The following RAD51 variants were observed in gnomAD, a reference collection of about 807,000 sequenced individuals.
RAD51 encodes RAD51 recombinase, also known as DNA repair protein RAD51 homolog 1.
In RAD51, 14 loss-of-function variants were observed where a neutral mutation model predicts 41.5. The ratio of observed to expected loss-of-function variants is 0.34; its 90% CI spans 0.22 to 0.53. The LOEUF (loss-of-function observed/expected upper bound fraction) is 0.53, where lower values mean the gene tolerates loss of function less well. Ranked by LOEUF, RAD51 falls within the 20% of genes least tolerant of loss-of-function variation. RAD51 has a pLI of 0.95. For synonymous variants in RAD51, 136 were observed against 148.6 expected, an observed-to-expected ratio of 0.92 and a Z score of 0.62; for missense variants, 234 against 422.0, an observed-to-expected ratio of 0.55 and a Z score of 3.90.
chr15:40,726,474 G>A lies in RAD51; in HGVS notation c.531-2237G>A, dbSNP rs915338021. ...TCGCCTTGTTGGCAAGGCTAGTCTCGAACTCCTGACCTCAAGTGATCCGCC... is the reference window on the plus strand; with the variant it reads ...TCGCCTTGTTGGCAAGGCTAGTCTCAAACTCCTGACCTCAAGTGATCCGCC... On this transcript the variant is annotated intron_variant, in intron 6 of 9. Transcript: ENST00000267868. 3.3e-5 allele frequency among the ~76,000 whole-genome samples: 5 copies of A among 151,644 alleles called. No individual in the cohort carries two copies. In the South Asian group the frequency reaches 6.3e-4, roughly 19 times the overall value.
At chr15:40,698,666 CTT>C (rs1567036783) in intron 1 of RAD51, 89 bp from the exon 2 acceptor site, 2 of 1,267,746 alleles carry the variant, frequency 1.6e-6, no homozygotes, top group South Asian at 2.4e-5. Context: ...TTCCTAAAGT[CTT>C]TTTGATACGA....
chr15:40,726,341 T>C (rs2141874621), intron 6 of RAD51, among the ~76,000 whole-genome samples: 1 of 150,124 alleles, frequency 6.7e-6, no homozygotes, highest in African/African-American at 2.5e-5. Flanking sequence ...AACCTCCGCC[T>C]CTCGGGTTCA....
At chr15:40,710,241 CAAAAAAAAAAAAAAAAAA>C (rs71104728) in intron 5 of RAD51, among the ~76,000 whole-genome samples, 1 of 44,312 alleles carries the variant, frequency 2.3e-5, no homozygotes, top group Non-Finnish European at 3.5e-5. Context: ...GACTCTGTCT[CAAAAAAAAAAAAAAAAAA>C]AAAAAAAAAA....
chr15:40,710,558 A>G (rs2141840252), intron 5 of RAD51, among the ~76,000 whole-genome samples: 1 of 151,976 alleles, frequency 6.6e-6, no homozygotes, highest in Middle Eastern at 3.4e-3. Context: ...AAGATGACAA[A>G]ACTTTAGATT....
chr15:40,696,256 A>G (rs1389297422), intron 1 of RAD51, among the ~76,000 whole-genome samples: 1 of 152,006 alleles, frequency 6.6e-6, no homozygotes, highest in Non-Finnish European at 1.5e-5. Context: ...CACATTCACA[A>G]CTGTATACAA....
chr15:40,716,657 CTTTTTTTT>C (rs34860677), intron 5 of RAD51, among the ~76,000 whole-genome samples: 2 of 88,152 alleles, frequency 2.3e-5, no homozygotes, highest in African/African-American at 4.3e-5. Flanking sequence ...CTCTCTACTT[CTTTTTTTT>C]TTTTTTTTTT....
At position 40,709,199 on chromosome 15, in the gene RAD51, T is replaced by G. The variant is rs1895538160; in HGVS notation, c.435+83T>G. 5 of 1,190,444 alleles carry G rather than the reference T, an allele frequency of 4.2e-6. No homozygotes were observed. The Admixed American group carries it at 8.6e-5, about 20-fold the overall frequency. The allele number at this position is 1,190,444 out of a possible 1,614,324, so 73.7% of individuals were successfully genotyped here. On this transcript the variant is annotated intron_variant, in intron 5 of 9. Coordinates refer to ENST00000267868, the MANE Select transcript of RAD51 (RefSeq NM_002875.5). ...TTGCAAGCATCTGTTAGGATGGCCA[T>G]AAAAGGTACTTTCTCTGTCCTCAAG...
intron 6 of RAD51, among the ~76,000 whole-genome samples, chr15:40,726,773 C>T (rs573217644): frequency 1.3e-5 from 2 of 151,866 alleles, no homozygotes; most frequent in African/African-American, 2.4e-5. Flanking sequence ...ATTAGCCAGG[C>T]GTGGTAGCGG....
chr15:40,728,702 CTCTCATAGG>C lies in RAD51; in HGVS notation c.531-7_532del. 6.2e-7 allele frequency: 1 copy of C among 1,611,074 alleles called. No homozygotes were observed. On this transcript the variant is annotated splice_acceptor_variant and splice_polypyrimidine_tract_variant and coding_sequence_variant and intron_variant, in exon 7 of 10. Transcript: ENST00000267868. LOFTEE classifies it high-confidence loss of function. ...GTGCAGCCTAAAAATGTTCTCTCCT[CTCTCATAGG>C]TATGGTCTCTCTGGCAGTGATGTCC...
chr15:40,704,025 C>G (rs1361115752), intron 3 of RAD51, among the ~76,000 whole-genome samples: 4 of 151,934 alleles, frequency 2.6e-5, no homozygotes, highest in Admixed American at 1.3e-4. Flanking sequence ...GCCTCAGCCT[C>G]CCAGGTAACT....
intron 6 of RAD51, among the ~76,000 whole-genome samples, chr15:40,728,305 T>C (rs566834352): frequency 6.6e-6 from 1 of 152,218 alleles, no homozygotes; most frequent in African/African-American, 2.4e-5. Context: ...CTACTAAAAA[T>C]AAAAATATTA....
At chr15:40,715,569 C>G (rs1027218013) in intron 5 of RAD51, among the ~76,000 whole-genome samples, 6 of 152,146 alleles carry the variant, frequency 3.9e-5, no homozygotes, top group Non-Finnish European at 8.8e-5. Context: ...TTAAGAAGAG[C>G]TAACCTGATG....
intron 6 of RAD51, among the ~76,000 whole-genome samples, chr15:40,725,518 T>C (rs1488314268): frequency 1.3e-5 from 2 of 152,148 alleles, no homozygotes; most frequent in Non-Finnish European, 1.5e-5. Context: ...CCGTGCCCTG[T>C]TGAAGAATAT....
chr15:40,699,014 A>C (rs1894824808), intron 2 of RAD51, among the ~76,000 whole-genome samples, 169 bp downstream of exon 2: 1 of 152,214 alleles, frequency 6.6e-6, no homozygotes, highest in African/African-American at 2.4e-5. Flanking sequence ...ATCATTGCTA[A>C]ATATGTCTGG....
At chr15:40,715,278 C>T (rs1164972927) in intron 5 of RAD51, among the ~76,000 whole-genome samples, 2 of 152,154 alleles carry the variant, frequency 1.3e-5, no homozygotes, top group African/African-American at 4.8e-5. Context: ...TTGCTTGAAC[C>T]TGGGAAGTGG....
intron 3 of RAD51, among the ~76,000 whole-genome samples, chr15:40,705,667 C>T (rs1325308260): frequency 6.6e-6 from 1 of 152,120 alleles, no homozygotes; most frequent in Admixed American, 6.6e-5. Flanking sequence ...TACAGTGGCG[C>T]GATCTCGGCT....
intron 2 of RAD51, among the ~76,000 whole-genome samples, chr15:40,699,435 G>A (rs1283472314): frequency 1.3e-5 from 2 of 152,216 alleles, no homozygotes; most frequent in East Asian, 3.9e-4. Context: ...GGGCCACTGC[G>A]CCCAGCCTGT....
intron 5 of RAD51, among the ~76,000 whole-genome samples, chr15:40,715,425 A>G (rs529359275): frequency 5.9e-4 from 90 of 152,362 alleles, no homozygotes; most frequent in Non-Finnish European, 1.2e-3. Flanking sequence ...AATTTGTCTT[A>G]CAGAACATTT....
chr15:40,714,459 G>C (rs1344231425), intron 5 of RAD51, among the ~76,000 whole-genome samples: 1 of 152,196 alleles, frequency 6.6e-6, no homozygotes, highest in African/African-American at 2.4e-5. Context: ...ATAGCATGCT[G>C]ACACTCCAAA....
Sources: gnomAD v4.1 joint callset for allele counts (sites outside exome capture counted in the v4.1 genomes callset) on GRCh38, gnomAD v4.1.1 for gene constraint, MANE v1.5 for transcripts, NCBI Gene and HGNC (gene_info 2026-07-23, HGNC 2026-07-21) for gene names.